Variants in INSL6 observed in about 807,000 individuals in gnomAD.
INSL6 encodes insulin like 6, also known as insulin-like peptide INSL6.
Under a neutral mutation model 9.4 loss-of-function variants are expected in INSL6, and 16 were observed. The observed-to-expected ratio is 1.70, with a 90% CI of 1.15 to 2.59. The LOEUF is 2.59. Among genes scored for constraint, INSL6 ranks in the 30% most tolerant of loss-of-function variants. The probability of loss-of-function intolerance (pLI) is 0.00; values close to 1 mark genes in which losing one functional copy is unlikely to be tolerated. For synonymous variants in INSL6, 154 were observed against 96.9 expected (o/e 1.59, Z -3.46); for missense variants, 391 against 257.3 (o/e 1.52, Z -3.56).
chr9:5,111,460 G>T, the INSL6 span: 1 of 390,006 alleles, frequency 2.6e-6, no homozygotes, highest in Admixed American at 3.4e-5. Context: ...CATCCTCGGC[G>T]TACCTGCCCA....
chr9:4,994,224 A>G, the INSL6 span, among the ~76,000 whole-genome samples: 1 of 152,204 alleles, frequency 6.6e-6, no homozygotes, highest in Admixed American at 6.5e-5. Context: ...CCTTATCTCA[A>G]TTAGCCTATG....
chr9:5,162,815 G>A (rs975637916), downstream of INSL6, among the ~76,000 whole-genome samples: 7 of 152,126 alleles, frequency 4.6e-5, no homozygotes, highest in African/African-American at 1.4e-4. Context: ...AAACATTTAA[G>A]AACATTATAG....
At chr9:5,104,527 G>A in the INSL6 span, among the ~76,000 whole-genome samples, 1 of 152,056 alleles carries the variant, frequency 6.6e-6, no homozygotes, top group South Asian at 2.1e-4. Context: ...TCCAATCAAT[G>A]GAAAAAGAGG....
chr9:5,081,625 T>C, the INSL6 span: 2 of 773,870 alleles, frequency 2.6e-6, no homozygotes, highest in Non-Finnish European at 4.2e-6. Flanking sequence ...CATTTAGTAT[T>C]TTTAACTCAC....
the INSL6 span, chr9:5,112,410 G>A: frequency 4.2e-6 from 2 of 471,734 alleles, no homozygotes; most frequent in South Asian, 2.6e-5. Flanking sequence ...GGAGGATGAG[G>A]AGAACACGTC....
chr9:5,140,224 C>G (rs985378134), intron 2 of INSL6, among the ~76,000 whole-genome samples: 115 of 152,140 alleles, frequency 7.6e-4, no homozygotes, highest in African/African-American at 2.6e-3. Context: ...AAGTGAATGA[C>G]ACCAACTAAA....
the INSL6 span, among the ~76,000 whole-genome samples, chr9:5,005,926 G>A: frequency 3.5e-3 from 527 of 152,262 alleles, 1 homozygote; most frequent in Admixed American, 5.2e-3. Flanking sequence ...GTCAGGTAGC[G>A]TGATGCCTCC....
the INSL6 span, among the ~76,000 whole-genome samples, chr9:5,011,116 A>G: frequency 6.6e-6 from 1 of 152,208 alleles, no homozygotes; most frequent in Non-Finnish European, 1.5e-5. Flanking sequence ...GATTGGATTC[A>G]GATGAACTTT....
the INSL6 span, among the ~76,000 whole-genome samples, chr9:5,070,747 G>A: frequency 1.1e-4 from 16 of 152,124 alleles, no homozygotes; most frequent in East Asian, 3.1e-3. Context: ...ATGGACCTGT[G>A]CAGTCCAAAC....
chr9:5,162,170 A>C (rs1280498003), downstream of INSL6, among the ~76,000 whole-genome samples: 1 of 152,176 alleles, frequency 6.6e-6, no homozygotes. Context: ...TCTACCACTA[A>C]CAAGTAACTT....
At chr9:5,054,713 T>G in the INSL6 span, 2 of 1,613,400 alleles carry the variant, frequency 1.2e-6, no homozygotes, top group Non-Finnish European at 1.7e-6. The surrounding 1 kb of genome is among the most constrained non-coding windows in gnomAD (Gnocchi z 4.9). Flanking sequence ...TTAAGTATCT[T>G]ATAAATCTGG....
chr9:5,081,636 G>C, the INSL6 span: 1 of 851,386 alleles, frequency 1.2e-6, no homozygotes, highest in Non-Finnish European at 1.9e-6. Flanking sequence ...TTTAACTCAC[G>C]ATTATTTTGG....
At chr9:5,102,552 A>C in the INSL6 span, among the ~76,000 whole-genome samples, 2 of 152,188 alleles carry the variant, frequency 1.3e-5, no homozygotes, top group African/African-American at 4.8e-5. Flanking sequence ...CTCCACAAAG[A>C]TACTCCTCGA....
At chr9:5,130,727 T>A (rs1824259029) in intron 3 of INSL6, among the ~76,000 whole-genome samples, 2 of 148,264 alleles carry the variant, frequency 1.3e-5, no homozygotes, top group Non-Finnish European at 3.0e-5. Flanking sequence ...TTATTTTTTA[T>A]TTTTTTTTTT....
At chr9:5,069,775 C>T in the INSL6 span, 5 of 395,520 alleles carry the variant, frequency 1.3e-5, no homozygotes, top group East Asian at 1.9e-4. Context: ...ATGAGTTGAC[C>T]CCTAAAATAA....
chr9:5,112,114 G>A, the INSL6 span: 1 of 329,192 alleles, frequency 3.0e-6, no homozygotes, highest in South Asian at 2.4e-5. Context: ...GGGCATCCAC[G>A]TGCTCTGCAG....
downstream of INSL6, among the ~76,000 whole-genome samples, chr9:5,123,289 T>C (rs1586842839): frequency 2.0e-5 from 3 of 151,980 alleles, no homozygotes; most frequent in South Asian, 6.2e-4. Context: ...CCTTAAATAA[T>C]TTCTCAGCAT....
intron 2 of INSL6, among the ~76,000 whole-genome samples, chr9:5,149,233 C>T (rs1358905184): frequency 3.9e-5 from 6 of 152,248 alleles, no homozygotes; most frequent in East Asian, 1.9e-4. Flanking sequence ...CCAGCCATAG[C>T]ATTTAGGCAC....
chr9:5,155,537 A>G (rs934231918), intron 2 of INSL6, among the ~76,000 whole-genome samples: 1 of 151,910 alleles, frequency 6.6e-6, no homozygotes, highest in African/African-American at 2.4e-5. Context: ...AATAAAAAAA[A>G]AAAAGAAAAA....
Sources: gnomAD v4.1 joint callset for allele counts (sites outside exome capture counted in the v4.1 genomes callset) on GRCh38, gnomAD v4.1.1 for gene constraint, Gnocchi (gnomAD v3.1) non-coding constraint, MANE v1.5 for transcripts, NCBI Gene and HGNC (gene_info 2026-07-23, HGNC 2026-07-21) for gene names.